The following SLC7A9 variants were observed in gnomAD, a reference collection of about 807,000 sequenced individuals.
The protein encoded by SLC7A9 is B(0,+)-type amino acid transporter 1.
A neutral mutation model predicts 54.1 loss-of-function variants in SLC7A9; 38 were observed. That is an observed-to-expected ratio of 0.70 (90% CI 0.54 to 0.92). The LOEUF is 0.92. SLC7A9 is among the 40% of genes least tolerant of loss of function. The pLI, the probability that SLC7A9 is intolerant of heterozygous loss-of-function variation, is 0.00. For synonymous variants in SLC7A9, 264 were observed against 258.9 expected (o/e 1.02, Z -0.19); for missense variants, 537 against 636.1 (o/e 0.84, Z 1.68).
At chr19:32,843,599 TAG>T (rs1328317986) in intron 10 of SLC7A9, among the ~76,000 whole-genome samples, 28 of 152,164 alleles carry the variant, frequency 1.8e-4, no homozygotes, top group Non-Finnish European at 3.4e-4. Context: ...GGCTTTTATA[TAG>T]AGTTTGTTAC....
chr19:32,839,552 CAAAAAAA>C (rs913100576), intron 11 of SLC7A9, among the ~76,000 whole-genome samples: 13 of 82,810 alleles, frequency 1.6e-4, no homozygotes, highest in Admixed American at 1.2e-3. Flanking sequence ...CACTCCGTCT[CAAAAAAA>C]AAAAAAAAAA....
intron 9 of SLC7A9, among the ~76,000 whole-genome samples, chr19:32,846,783 T>C (rs910072260): frequency 1.3e-5 from 2 of 152,210 alleles, no homozygotes; most frequent in Non-Finnish European, 2.9e-5. Flanking sequence ...AGGGGCAGAC[T>C]GACACCTCAC....
intron 4 of SLC7A9, among the ~76,000 whole-genome samples, chr19:32,863,731 T>G (rs1305971625): frequency 1.3e-5 from 2 of 152,110 alleles, no homozygotes; most frequent in Admixed American, 1.3e-4. Context: ...ACATGGGAGT[T>G]TAAGGACCTT....
At position 32,863,920 on chromosome 19, in the gene SLC7A9, G is replaced by GC. The variant is rs554745411; in HGVS notation, c.478+175dup. On this transcript the variant is annotated intron_variant, in intron 4 of 12. Transcript: ENST00000023064. ...ACAGCCAGCGGCACCCCTCCCTGCA[G>GC]CCCCCACGGGCCTGGGGGTCCCCAG... Among the ~76,000 whole-genome samples, 72 of 152,306 alleles carry GC rather than the reference G, an allele frequency of 4.7e-4. 1 individual carries two copies. The South Asian group carries it at 0.014, about 30-fold the overall frequency.
Position 32,830,615 on chromosome 19 carries a change from G to A in SLC7A9, c.*5C>T, listed in dbSNP as rs1967749837. The A allele has an allele frequency of 1.9e-6, 3 of 1,609,870 alleles. No homozygotes were observed. Reference sequence around the variant, plus strand: ...AGCTGACTTGGCTACAAGAGACGGAGCTTGTTACTCAGGGTCTTCCTCCGG... The same window carrying A: ...AGCTGACTTGGCTACAAGAGACGGAACTTGTTACTCAGGGTCTTCCTCCGG... On this transcript the variant is annotated 3_prime_UTR_variant, in exon 13 of 13. Coordinates refer to ENST00000023064, the MANE Select transcript of SLC7A9 (RefSeq NM_014270.5).
chr19:32,834,103 TGTA>T (rs1967886373), intron 11 of SLC7A9, among the ~76,000 whole-genome samples: 1 of 152,084 alleles, frequency 6.6e-6, no homozygotes, highest in African/African-American at 2.4e-5. Context: ...TTCAACCCGT[TGTA>T]GTCATTGTTC....
chr19:32,833,059 T>G, intron 12 of SLC7A9, 90 bp downstream of exon 12: 1 of 1,245,248 alleles, frequency 8.0e-7, no homozygotes, highest in Non-Finnish European at 1.2e-6. Context: ...GGTGAGACAC[T>G]GTGACAGAGG....
rs779376859 is a variant in SLC7A9 at position 32,860,557 on chromosome 19, A to G, written c.749+49T>C. On this transcript the variant is annotated intron_variant, in intron 7 of 12. Transcript: ENST00000023064. ...TAGCTCCAGCCTTCACCAGGAGAAG[A>G]GAAATCAGGCTGCCCGGCTACTGTC... The G allele has an allele frequency of 4.3e-6, 7 of 1,613,948 alleles. No individual in the cohort carries two copies. The South Asian group carries it at 4.4e-5, about 10-fold the overall frequency.
At chr19:32,846,882 C>G (rs548792880) in intron 9 of SLC7A9, among the ~76,000 whole-genome samples, 1 of 152,168 alleles carries the variant, frequency 6.6e-6, no homozygotes, top group Non-Finnish European at 1.5e-5. Flanking sequence ...GTTCTACAGC[C>G]ACTGCTGTTC....
At chr19:32,867,739 AT>A (rs889247386) in intron 2 of SLC7A9, among the ~76,000 whole-genome samples, 1 of 151,564 alleles carries the variant, frequency 6.6e-6, no homozygotes, top group Non-Finnish European at 1.5e-5. Flanking sequence ...GAGGCCAGGA[AT>A]TGGAGACCAG....
At chr19:32,867,388 G>A (rs936932779) in intron 2 of SLC7A9, among the ~76,000 whole-genome samples, 5 of 152,104 alleles carry the variant, frequency 3.3e-5, no homozygotes, top group African/African-American at 1.2e-4. Flanking sequence ...ATGGTGGTGT[G>A]CTCCTGTAGT....
Position 32,864,765 on chromosome 19 carries a change from G to C in SLC7A9, c.99C>G (p.Ile33Met). ...TGCCCACGATGATGGAGATGCCACT[G>C]ATGAGGCCCAGCTGGGTGTGGAGGA... is the stretch of plus-strand genomic sequence containing the variant. ...TTSLQKELGLISGISIIVGTI... is the reference protein window; with the variant it reads ...TTSLQKELGLMSGISIIVGTI... The change falls in exon 3 of 13, where the codon ATC becomes ATG. Residue 33 changes from isoleucine to methionine, a missense_variant. Coordinates refer to ENST00000023064, the MANE Select transcript of SLC7A9 (RefSeq NM_014270.5). The C allele has an allele frequency of 6.2e-7, 1 of 1,614,182 alleles. No individual in the cohort carries two copies.
intron 11 of SLC7A9, among the ~76,000 whole-genome samples, chr19:32,835,739 C>CT (rs1411499088): frequency 1.3e-5 from 2 of 151,748 alleles, no homozygotes; most frequent in African/African-American, 4.8e-5. Flanking sequence ...TTCTGTTGTT[C>CT]TTTATCTTGC....
intron 9 of SLC7A9, among the ~76,000 whole-genome samples, chr19:32,852,859 G>T (rs1157729830): frequency 6.6e-6 from 1 of 151,706 alleles, no homozygotes; most frequent in Non-Finnish European, 1.5e-5. Flanking sequence ...GAAGTCTGAC[G>T]TGGGAGCGTT....
At chr19:32,852,070 TA>T (rs1968485876) in intron 9 of SLC7A9, among the ~76,000 whole-genome samples, 1 of 151,936 alleles carries the variant, frequency 6.6e-6, no homozygotes, top group Non-Finnish European at 1.5e-5. Context: ...TACCTAACGT[TA>T]AAATGACGAG....
At chr19:32,851,111 T>C (rs1328779205) in intron 9 of SLC7A9, among the ~76,000 whole-genome samples, 4 of 152,168 alleles carry the variant, frequency 2.6e-5, no homozygotes, top group African/African-American at 9.7e-5. Context: ...GACATAGGCA[T>C]GGGCAAGGAC....
At chr19:32,857,016 T>C (rs2145834457) in intron 9 of SLC7A9, among the ~76,000 whole-genome samples, 1 of 152,136 alleles carries the variant, frequency 6.6e-6, no homozygotes, top group Non-Finnish European at 1.5e-5. Flanking sequence ...CCAGGCATGA[T>C]GGCAGGTGCC....
chr19:32,857,858 G>C (rs1210724569), intron 9 of SLC7A9, among the ~76,000 whole-genome samples: 2 of 152,170 alleles, frequency 1.3e-5, no homozygotes, highest in Non-Finnish European at 2.9e-5. Flanking sequence ...AGTTTTATTG[G>C]AACATGACCA....
intron 11 of SLC7A9, among the ~76,000 whole-genome samples, chr19:32,840,775 C>T (rs1352338873): frequency 2.6e-5 from 4 of 152,158 alleles, no homozygotes; most frequent in Non-Finnish European, 5.9e-5. Context: ...TCCACCTCCC[C>T]TGGGGGTCCT....
Sources: gnomAD v4.1 joint callset for allele counts (sites outside exome capture counted in the v4.1 genomes callset) on GRCh38, gnomAD v4.1.1 for gene constraint, MANE v1.5 for transcripts, NCBI Gene and HGNC (gene_info 2026-07-23, HGNC 2026-07-21) for gene names.